The following DPP7 variants were observed in gnomAD, a reference collection of about 807,000 sequenced individuals.
DPP7 encodes the protein dipeptidyl peptidase 7.
A neutral mutation model predicts 58.8 loss-of-function variants in DPP7; 74 were observed. That is an observed-to-expected ratio of 1.26 (90% CI 1.04 to 1.53). DPP7 has a LOEUF of 1.53. Among genes scored for constraint, DPP7 ranks in the 40% most tolerant of loss-of-function variants. The pLI is 0.00. For synonymous variants in DPP7, 350 were observed against 303.6 expected, an observed-to-expected ratio of 1.15 and a Z score of -1.59; for missense variants, 807 against 692.3, an observed-to-expected ratio of 1.17 and a Z score of -1.86.
At chr9:137,111,595 G>A (rs1412145264) in intron 11 of DPP7, 95 bp downstream of exon 11, 61 of 1,407,702 alleles carry the variant, frequency 4.3e-5, no homozygotes, top group Non-Finnish European at 5.2e-5. Context: ...CCCTGATCTC[G>A]CCACTGTATT....
At chr9:137,113,833 G>A (rs1456196052) in intron 4 of DPP7, 32 bp downstream of exon 4, 5 of 1,440,608 alleles carry the variant, frequency 3.5e-6, no homozygotes, top group Non-Finnish European at 3.7e-6. Context: ...GCAGGGGAGG[G>A]AGGGGGTGCG....
At chr9:137,114,612 G>C (rs1309335337) in intron 1 of DPP7, 35 bp downstream of exon 1, 15 of 1,438,822 alleles carry the variant, frequency 1.0e-5, no homozygotes, top group African/African-American at 1.5e-5. Context: ...GCGGGGCCGG[G>C]ACCGGGGAAT....
Position 137,113,102 on chromosome 9 carries a change from A to AGC in DPP7, c.719_720dup (p.Trp241AlafsTer16). ...AGCGGCTGGCAGGTGCCGAACTCCC[A>AGC]GCGGACCGTGTCGTAGGCTGCGTGG... On this transcript the variant is annotated frameshift_variant, in exon 7 of 13. Transcript: ENST00000371579. LOFTEE classifies it high-confidence loss of function. The AGC allele has an allele frequency of 6.2e-7, 1 of 1,613,742 alleles. No individual in the cohort carries two copies. Among genetic ancestry groups the AGC allele is most frequent in the Non-Finnish European group, 8.5e-7 (1 of 1,179,994 alleles).
upstream of DPP7, chr9:137,114,886 C>CCCTG (rs1038745741): frequency 2.6e-6 from 1 of 392,012 alleles, no homozygotes; most frequent in Non-Finnish European, 4.3e-6. Flanking sequence ...CGGCCGCTGC[C>CCCTG]CAGGGGTCCT....
In DPP7 at chr9:137,113,218, A is replaced by AC; in HGVS notation, c.690dup (p.Phe231ValfsTer49). On this transcript the variant is annotated frameshift_variant, in exon 6 of 13. Transcript: ENST00000371579. LOFTEE classifies it high-confidence loss of function. ...GGGAGGACCTCACCTCCCTGTAGGA[A>AC]CAAGTCCTTGATCTGTCGGAACGCT... The AC allele has an allele frequency of 6.2e-7, 1 of 1,613,666 alleles. No homozygotes were observed.
rs1831459453 is a variant in DPP7, at chr9:137,113,119, GC to G, written c.704-1del. ...GAACTCCCAGCGGACCGTGTCGTAG[GC>G]TGCGTGGAAGGGGCAGAGACTTGAA... On this transcript the variant is annotated splice_acceptor_variant, in intron 6 of 12. Transcript: ENST00000371579. LOFTEE classifies it high-confidence loss of function. 1.2e-6 allele frequency: 2 copies of G among 1,613,644 alleles called. No individual in the cohort carries two copies. The highest frequency in any genetic ancestry group is 1.7e-6 in the Non-Finnish European group (2 of 1,180,028).
upstream of DPP7, among the ~76,000 whole-genome samples, chr9:137,115,780 G>A (rs1831619119): frequency 6.6e-6 from 1 of 152,118 alleles, no homozygotes; most frequent in Admixed American, 6.5e-5. Flanking sequence ...TGCAACACGA[G>A]GTCATCCAGG....
chr9:137,111,779 A>T, intron 10 of DPP7, 25 bp from the exon 11 acceptor site: 1 of 1,613,624 alleles, frequency 6.2e-7, no homozygotes, highest in Non-Finnish European at 8.5e-7. Context: ...GAAAGTTGTG[A>T]TGTGGGCCCC....
upstream of DPP7, among the ~76,000 whole-genome samples, chr9:137,117,498 TGA>T (rs1402649124): frequency 6.6e-6 from 1 of 152,108 alleles, no homozygotes; most frequent in East Asian, 1.9e-4. Context: ...CCAGCAAGGG[TGA>T]GAGGCTGCTG....
Position 137,112,819 on chromosome 9 carries a change from GCAGCGGCGACT to G in DPP7, c.871-25_871-15del. ...ATCACAGCCCACCTGGAGTGCAGGG[GCAGCGGCGACT>G]CAGCGGGGTCCCCTCCACCAGCTCC... On this transcript the variant is annotated splice_polypyrimidine_tract_variant and intron_variant, in intron 7 of 12. Coordinates refer to ENST00000371579, the MANE Select transcript of DPP7 (RefSeq NM_013379.3). 1 of 1,608,484 alleles carries G rather than the reference GCAGCGGCGACT, an allele frequency of 6.2e-7. No homozygotes were observed. Among genetic ancestry groups the G allele is most frequent in the Admixed American group, 1.7e-5 (1 of 59,736 alleles).
rs199995451 is a variant in DPP7, at chr9:137,111,644, AAAAC to A, written c.1272+42_1272+45del. 9.1e-3 allele frequency: 14,491 copies of A among 1,589,802 alleles called. 68 individuals carry two copies. The highest frequency in any genetic ancestry group is 0.033 in the African/African-American group (2,432 of 73,538). ...CAGAGAAAGACCCTGTCTCAAAAAA[AAAAC>A]AAACAAACTAACGGGGTCATAGGGC... On this transcript the variant is annotated intron_variant, in intron 11 of 12. Coordinates refer to ENST00000371579, the MANE Select transcript of DPP7 (RefSeq NM_013379.3).
rs1040290823 is a variant in DPP7 at position 137,110,734 on chromosome 9, C to G, written c.1393G>C (p.Glu465Gln). Reference sequence around the variant, plus strand: ...ACCCACTCGCCGATGATGGTGGCCTCCAGCTTCCGCGCCTCAACCACGGAA... The same window carrying G: ...ACCCACTCGCCGATGATGGTGGCCTGCAGCTTCCGCGCCTCAACCACGGAA... ...PASVVEARKL[E>Q]ATIIGEWVKA... is the part of the protein sequence containing the mutation. Residue 465 changes from glutamate (E) to glutamine (Q), a missense_variant, in exon 13 of 13, where the codon GAG becomes CAG. Around this residue, in one of 3 missense-constraint regions of DPP7, gnomAD observed 624 missense variants for 531.2 expected, o/e 1.17. Coordinates refer to ENST00000371579, the MANE Select transcript of DPP7 (RefSeq NM_013379.3). The G allele has an allele frequency of 5.0e-6, 8 of 1,607,070 alleles. No individual in the cohort carries two copies. Among genetic ancestry groups the G allele is most frequent in the Middle Eastern group, 2.0e-4 (1 of 5,024 alleles).
rs760548777 is a variant in DPP7 at position 137,110,895 on chromosome 9, T to C, written c.1328A>G (p.His443Arg). 2.7e-5 allele frequency: 43 copies of C among 1,612,114 alleles called. No individual in the cohort carries two copies. Among genetic ancestry groups the C allele is most frequent in the Admixed American group, 2.5e-4 (15 of 59,936 alleles). Residue 443 changes from histidine to arginine, a missense_variant, in exon 12 of 13, where the codon CAC becomes CGC. Physicochemically the swap from His to Arg is conservative, Grantham distance 29. Transcript: ENST00000371579. ...VIAVTIQGGAHHLDLRASHPE... is the reference protein window; with the variant it reads ...VIAVTIQGGARHLDLRASHPE... The stretch of plus-strand genomic sequence containing the variant: ...CCCTCCGCACCTGAGGTCGAGGTGG[T>C]GCGCTCCCCCCTGGATGGTGACGGC...
chr9:137,113,964 A>T lies in DPP7; in HGVS notation c.386T>A (p.Leu129Gln). The change falls in exon 4 of 13, where the codon CTG (leucine) becomes CAG (glutamine). Residue 129 changes from leucine (L) to glutamine (Q), a missense_variant. By Grantham distance (113) the Leu-to-Gln change is moderately radical (BLOSUM62 -2). Coordinates refer to ENST00000371579, the MANE Select transcript of DPP7 (RefSeq NM_013379.3). The stretch of plus-strand genomic sequence containing the variant: ...GTCGGCCAGGGCCTGCTCCACCGTC[A>T]GCAGCTCCGTGTGCCCGCGCTGCGT... ...QSTQRGHTEL[L>Q]TVEQALADFA... is the part of the protein sequence containing the mutation. 6.3e-7 allele frequency: 1 copy of T among 1,584,906 alleles called. No homozygotes were observed. The highest frequency in any genetic ancestry group is 1.4e-5 in the African/African-American group (1 of 73,968).
chr9:137,113,991 G>T lies in DPP7; in HGVS notation c.359C>A (p.Ser120Tyr). 1 of 1,560,866 alleles carries T rather than the reference G, an allele frequency of 6.4e-7. No individual in the cohort carries two copies. Among genetic ancestry groups the T allele is most frequent in the South Asian group, 1.1e-5 (1 of 87,318 alleles). ...YGKSLPFGAQ[S>Y]TQRGHTELLT... ...CAGCTCCGTGTGCCCGCGCTGCGTG[G>T]ACTGCGCACCGAACGGCAGCGACTT... Residue 120 changes from serine to tyrosine, a missense_variant, in exon 4 of 13, where the codon TCC (serine) becomes TAC (tyrosine). Physicochemically the swap from Ser to Tyr is moderately radical, Grantham distance 144 (BLOSUM62 -2). Around this residue, in one of 3 missense-constraint regions of DPP7, gnomAD observed 624 missense variants for 531.2 expected, o/e 1.17. Transcript: ENST00000371579.
In DPP7 at chr9:137,113,142, T is replaced by A. The variant is rs764569378; in HGVS notation, c.704-23A>T. 3 of 1,613,722 alleles carry A rather than the reference T, an allele frequency of 1.9e-6. No individual in the cohort carries two copies. The Admixed American group carries it at 5.0e-5, about 27-fold the overall frequency. On this transcript the variant is annotated intron_variant, in intron 6 of 12. Coordinates refer to ENST00000371579, the MANE Select transcript of DPP7 (RefSeq NM_013379.3). ...AGGCTGCGTGGAAGGGGCAGAGACT[T>A]GAAGTTTGGGCATAGCTGGCGCTGG...
In DPP7 at chr9:137,111,855, A is replaced by AC. The variant is rs562251063; in HGVS notation, c.1207+17dup. 6.3e-4 allele frequency: 508 copies of AC among 809,248 alleles called. No homozygotes were observed. In the East Asian group the frequency reaches 0.02, roughly 32 times the overall value. The allele number at this position is 809,248 out of a possible 1,614,324, so 50.1% of individuals were successfully genotyped here. On this transcript the variant is annotated intron_variant, in intron 10 of 12. Coordinates refer to ENST00000371579, the MANE Select transcript of DPP7 (RefSeq NM_013379.3). ...GGGGCAGAAAGCAGGACGCTGGCCC[A>AC]CCCCCCCTCAGCCTTACCACCCCCC...
In DPP7 at chr9:137,110,724, A is replaced by C; in HGVS notation, c.1403T>G (p.Ile468Ser). 6.2e-7 allele frequency: 1 copy of C among 1,607,518 alleles called. No homozygotes were observed. Among genetic ancestry groups the C allele is most frequent in the South Asian group, 1.1e-5 (1 of 91,002 alleles). The change falls in exon 13 of 13, where the codon ATC becomes AGC. Residue 468 changes from isoleucine to serine, a missense_variant. By Grantham distance (142) the Ile-to-Ser change is moderately radical (BLOSUM62 -2). Around this residue, in one of 3 missense-constraint regions of DPP7, gnomAD observed 624 missense variants for 531.2 expected, o/e 1.17. Transcript: ENST00000371579. ...VVEARKLEAT[I>S]IGEWVKAARR... The stretch of plus-strand genomic sequence containing the variant: ...GGCTGCCTTTACCCACTCGCCGATG[A>C]TGGTGGCCTCCAGCTTCCGCGCCTC...
Position 137,111,856 on chromosome 9 carries a change from C to T in DPP7, c.1207+17G>A, listed in dbSNP as rs759863578. 2.3e-5 allele frequency: 31 copies of T among 1,337,592 alleles called. No homozygotes were observed. Among genetic ancestry groups the T allele is most frequent in the African/African-American group, 5.8e-5 (4 of 69,406 alleles). 82.9% of individuals were successfully genotyped at this position (1,337,592 alleles called of 1,614,324 possible). On this transcript the variant is annotated intron_variant, in intron 10 of 12. Transcript: ENST00000371579. Reference sequence around the variant, plus strand: ...GGGCAGAAAGCAGGACGCTGGCCCACCCCCCCTCAGCCTTACCACCCCCCC... The same window carrying T: ...GGGCAGAAAGCAGGACGCTGGCCCATCCCCCCTCAGCCTTACCACCCCCCC...
Sources: allele counts gnomAD v4.1 joint callset (sites outside exome capture counted in the v4.1 genomes callset), GRCh38; gene constraint gnomAD v4.1.1; regional missense constraint gnomAD v4.1.1; transcripts MANE v1.5; gene names NCBI Gene and HGNC (gene_info 2026-07-23, HGNC 2026-07-21).